The following EGFL6 variants were observed in gnomAD, a reference collection of about 807,000 sequenced individuals.
EGFL6 encodes EGF like domain multiple 6.
EGFL6 carries 42 observed loss-of-function variants against 43.1 expected under a neutral mutation model. That is an observed-to-expected ratio of 0.98 (90% CI 0.76 to 1.26). The LOEUF is 1.26. EGFL6 is among the 50% of genes most tolerant of loss of function. EGFL6 has a pLI of 0.00. For synonymous variants in EGFL6, 164 were observed against 163.2 expected, an observed-to-expected ratio of 1.01 and a Z score of -0.04; for missense variants, 429 against 427.8, an observed-to-expected ratio of 1.00 and a Z score of -0.02.
At chrX:13,606,323 A>G (rs1047110020) in intron 5 of EGFL6, 56 bp from the exon 6 acceptor site, 8 of 1,175,396 alleles carry the variant, frequency 6.8e-6, no homozygotes, top group African/African-American at 5.3e-5. Context: ...GCGTGCGTGC[A>G]TGTATGTGGC....
At chrX:13,618,692 T>C (rs1050569760) in intron 8 of EGFL6, among the ~76,000 whole-genome samples, 1 of 111,187 alleles carries the variant, frequency 9.0e-6, no homozygotes, top group Non-Finnish European at 1.9e-5. Flanking sequence ...ACTGAGACTT[T>C]CCCATTCATT....
rs954711653 is a variant in EGFL6, at chrX:13,569,657, C to G, written c.-205C>G. 1 of 418,733 alleles carries G rather than the reference C, an allele frequency of 2.4e-6. No homozygotes were observed. The highest frequency in any genetic ancestry group is 2.5e-5 in the African/African-American group (1 of 39,907). The allele number at this position is 418,733 out of a possible 1,213,427, so 34.5% of individuals were successfully genotyped here. On this transcript the variant is annotated 5_prime_UTR_variant, in exon 1 of 12. Transcript: ENST00000361306. Reference sequence around the variant, plus strand: ...GCCTCGGCCAGGCTTGCCAGGGCGCCCCCAGCCCCTCCCCAGGCCGCGAGC... The same window carrying G: ...GCCTCGGCCAGGCTTGCCAGGGCGCGCCCAGCCCCTCCCCAGGCCGCGAGC...
intron 3 of EGFL6, among the ~76,000 whole-genome samples, chrX:13,598,849 TCA>T (rs1278681575): frequency 1.7e-4 from 13 of 75,123 alleles, no homozygotes; most frequent in Non-Finnish European, 2.8e-4. Flanking sequence ...TATATATAAT[TCA>T]CATATATAAT....
chrX:13,574,770 C>A, intron 1 of EGFL6: 1 of 114,429 alleles, frequency 8.7e-6, no homozygotes, highest in South Asian at 3.1e-4. Flanking sequence ...CAGCTGTAGG[C>A]TCCAACTCAT....
intron 1 of EGFL6, 36 bp downstream of exon 1, chrX:13,569,971 C>A (rs2045431508): frequency 1.7e-6 from 2 of 1,192,198 alleles, no homozygotes; most frequent in African/African-American, 1.8e-5. Flanking sequence ...TCCCCCCACC[C>A]CCGGCCTGAG....
chrX:13,626,499 G>A (rs1323035144), intron 10 of EGFL6, among the ~76,000 whole-genome samples: 1 of 112,026 alleles, frequency 8.9e-6, no homozygotes, highest in Non-Finnish European at 1.9e-5. Flanking sequence ...ATCAGAAATT[G>A]GAGTGATATG....
At chrX:13,576,555 T>C (rs1602635387) in intron 1 of EGFL6, among the ~76,000 whole-genome samples, 1 of 112,008 alleles carries the variant, frequency 8.9e-6, no homozygotes, top group Non-Finnish European at 1.9e-5. Context: ...ACATGGCACT[T>C]CTGTTTACAT....
At chrX:13,571,403 G>A (rs986928227) in intron 1 of EGFL6, among the ~76,000 whole-genome samples, 1 of 111,389 alleles carries the variant, frequency 9.0e-6, no homozygotes, top group Non-Finnish European at 1.9e-5. Context: ...TAGAATGTAT[G>A]ATCGCAAGTT....
intron 1 of EGFL6, among the ~76,000 whole-genome samples, chrX:13,570,444 C>T (rs1008250646): frequency 4.5e-5 from 5 of 111,444 alleles, no homozygotes; most frequent in Non-Finnish European, 7.5e-5. Context: ...CTGAGCCAGC[C>T]GGGCTGCTCT....
At chrX:13,592,236 A>AT (rs201903200) in intron 2 of EGFL6, among the ~76,000 whole-genome samples, 24,459 of 107,417 alleles carry the variant, frequency 0.23, 2,291 homozygotes, top group East Asian at 0.62. Flanking sequence ...AAAAAGATTT[A>AT]TTTTTCTAAC....
At position 13,614,931 on chromosome X, in the gene EGFL6, A is replaced by G. The variant is rs151134160; in HGVS notation, c.779-2799A>G. The stretch of plus-strand genomic sequence containing the variant: ...CCCAGCTAATTTTTGTATTTTTAGT[A>G]GAGACGGTGTTTCACGATGTATGTT... On this transcript the variant is annotated intron_variant, in intron 7 of 11. Transcript: ENST00000361306. Among the ~76,000 whole-genome samples, 345 of 111,258 alleles carry G rather than the reference A, an allele frequency of 3.1e-3. 1 individual carries two copies. The highest frequency in any genetic ancestry group is 0.012 in the South Asian group (32 of 2,578).
intron 7 of EGFL6, among the ~76,000 whole-genome samples, chrX:13,617,410 G>A (rs1451332860): frequency 8.9e-6 from 1 of 112,276 alleles, no homozygotes; most frequent in Non-Finnish European, 1.9e-5. Context: ...CACAATGAAA[G>A]CAGAAATATT....
intron 4 of EGFL6, among the ~76,000 whole-genome samples, chrX:13,601,752 A>T (rs2146695064): frequency 8.9e-6 from 1 of 112,104 alleles, no homozygotes; most frequent in South Asian, 3.7e-4. Flanking sequence ...AAACAAATGC[A>T]TAGTTTAATG....
intron 3 of EGFL6, among the ~76,000 whole-genome samples, chrX:13,597,629 C>T (rs1569205038): frequency 9.0e-6 from 1 of 111,205 alleles, no homozygotes; most frequent in Non-Finnish European, 1.9e-5. Flanking sequence ...ACTAAAAATA[C>T]AAAAATTAGC....
intron 1 of EGFL6, among the ~76,000 whole-genome samples, chrX:13,582,523 A>T (rs1347693857): frequency 1.8e-5 from 2 of 111,367 alleles, no homozygotes; most frequent in Admixed American, 1.9e-4. Flanking sequence ...TTTATTAACA[A>T]AGTTAATAAA....
intron 11 of EGFL6, among the ~76,000 whole-genome samples, chrX:13,632,380 C>T (rs1227847755): frequency 9.9e-6 from 1 of 101,335 alleles, no homozygotes; most frequent in Non-Finnish European, 2.0e-5. Context: ...CGGCTCACTG[C>T]AAGCTCCGCC....
At chrX:13,622,385 T>A (rs1005694825) in intron 9 of EGFL6, among the ~76,000 whole-genome samples, 1 of 111,783 alleles carries the variant, frequency 8.9e-6, no homozygotes, top group East Asian at 2.8e-4. Flanking sequence ...GACGTTTTTT[T>A]AAACAACCTA....
At chrX:13,584,397 CTT>C (rs907574502) in intron 1 of EGFL6, among the ~76,000 whole-genome samples, 2 of 111,948 alleles carry the variant, frequency 1.8e-5, no homozygotes, top group African/African-American at 6.5e-5. Flanking sequence ...ATGCTGGCAT[CTT>C]TGGGACTGTG....
intron 1 of EGFL6, among the ~76,000 whole-genome samples, chrX:13,583,405 G>A (rs1422610500): frequency 9.0e-6 from 1 of 111,271 alleles, no homozygotes; most frequent in Non-Finnish European, 1.9e-5. Context: ...CCTAGCTCCT[G>A]AGAACTTGCC....
Sources: allele counts gnomAD v4.1 joint callset (sites outside exome capture counted in the v4.1 genomes callset), GRCh38; gene constraint gnomAD v4.1.1; transcripts MANE v1.5; gene names NCBI Gene and HGNC (gene_info 2026-07-23, HGNC 2026-07-21).